The following SPMIP2 variants were observed in gnomAD, a reference collection of about 807,000 sequenced individuals.
The protein encoded by SPMIP2 is sperm microtubule inner protein 2.
At chr4:158,993,156 T>A in the SPMIP2 span, among the ~76,000 whole-genome samples, 1 of 151,170 alleles carries the variant, frequency 6.6e-6, no homozygotes, top group Non-Finnish European at 1.5e-5. Flanking sequence ...AGTGTAGGAG[T>A]CTGAGACCAG....
the SPMIP2 span, among the ~76,000 whole-genome samples, chr4:158,910,337 G>A: frequency 2.6e-5 from 4 of 151,444 alleles, no homozygotes; most frequent in Non-Finnish European, 5.9e-5. Flanking sequence ...GCAATGGCAC[G>A]TTCTTGGCTC....
chr4:158,969,561 T>A, the SPMIP2 span, among the ~76,000 whole-genome samples: 2 of 152,224 alleles, frequency 1.3e-5, no homozygotes, highest in African/African-American at 4.8e-5. Context: ...TGATTTTTAC[T>A]GACCTCCGCA....
chr4:158,986,523 A>AAGC, the SPMIP2 span, among the ~76,000 whole-genome samples: 2 of 152,088 alleles, frequency 1.3e-5, no homozygotes, highest in African/African-American at 4.8e-5. Context: ...TGAGAAAAGC[A>AAGC]ATGGAGAAAG....
the SPMIP2 span, among the ~76,000 whole-genome samples, chr4:158,911,299 G>T: frequency 6.6e-6 from 1 of 151,766 alleles, no homozygotes; most frequent in African/African-American, 2.4e-5. Context: ...AGTGAGCCAA[G>T]ATTGTGCCAC....
the SPMIP2 span, among the ~76,000 whole-genome samples, chr4:158,917,296 G>A: frequency 3.4e-5 from 5 of 147,684 alleles, no homozygotes; most frequent in Non-Finnish European, 7.5e-5. Context: ...GTGTGGTGGT[G>A]CACGCCTGTA....
the SPMIP2 span, among the ~76,000 whole-genome samples, chr4:158,980,335 G>A: frequency 6.6e-6 from 1 of 152,172 alleles, no homozygotes; most frequent in African/African-American, 2.4e-5. Flanking sequence ...GGATCTCCCA[G>A]CACAGCATTC....
chr4:158,952,689 T>C, the SPMIP2 span, among the ~76,000 whole-genome samples: 1 of 152,220 alleles, frequency 6.6e-6, no homozygotes, highest in Admixed American at 6.5e-5. Context: ...TGTGAGAAAG[T>C]TTGGAACTTC....
At chr4:159,035,907 C>G in the SPMIP2 span, among the ~76,000 whole-genome samples, 1 of 152,200 alleles carries the variant, frequency 6.6e-6, no homozygotes, top group South Asian at 2.1e-4. Flanking sequence ...TTTTAACTCA[C>G]CACTTCAATT....
chr4:158,973,289 A>G, the SPMIP2 span: 2 of 1,612,822 alleles, frequency 1.2e-6, no homozygotes, highest in African/African-American at 2.7e-5. Flanking sequence ...TTTTGGGTAA[A>G]TAATCCTTTA....
At chr4:158,952,559 C>T in the SPMIP2 span, among the ~76,000 whole-genome samples, 1 of 152,132 alleles carries the variant, frequency 6.6e-6, no homozygotes, top group Non-Finnish European at 1.5e-5. Flanking sequence ...CTAATACAGT[C>T]AATTGGTACC....
At chr4:158,913,421 A>C in the SPMIP2 span, among the ~76,000 whole-genome samples, 4 of 151,936 alleles carry the variant, frequency 2.6e-5, no homozygotes, top group African/African-American at 7.3e-5. Context: ...ATGGGGTCTC[A>C]CTATGTTGCC....
the SPMIP2 span, among the ~76,000 whole-genome samples, chr4:158,982,789 C>T: frequency 6.6e-6 from 1 of 152,128 alleles, no homozygotes; most frequent in Non-Finnish European, 1.5e-5. Context: ...CAAATTGACA[C>T]CCTAGAACAA....
the SPMIP2 span, among the ~76,000 whole-genome samples, chr4:159,058,413 T>C: frequency 6.6e-6 from 1 of 152,196 alleles, no homozygotes; most frequent in African/African-American, 2.4e-5. Context: ...CCTTGATTAC[T>C]GAGTGTTTAT....
At chr4:158,923,600 A>G in the SPMIP2 span, among the ~76,000 whole-genome samples, 4 of 152,200 alleles carry the variant, frequency 2.6e-5, no homozygotes, top group Non-Finnish European at 4.4e-5. Flanking sequence ...TATTAGTTGT[A>G]ATAGATTTTA....
At chr4:159,006,592 A>G in the SPMIP2 span, among the ~76,000 whole-genome samples, 1 of 152,208 alleles carries the variant, frequency 6.6e-6, no homozygotes, top group South Asian at 2.1e-4. Flanking sequence ...ATTTTTGGTC[A>G]TATTACGGCT....
chr4:159,051,222 T>C, the SPMIP2 span, among the ~76,000 whole-genome samples: 1 of 152,134 alleles, frequency 6.6e-6, no homozygotes, highest in Non-Finnish European at 1.5e-5. Flanking sequence ...AGAGTTTTGG[T>C]AAATGTGGTT....
the SPMIP2 span, among the ~76,000 whole-genome samples, chr4:159,075,004 T>C: frequency 6.6e-6 from 1 of 152,204 alleles, no homozygotes; most frequent in Non-Finnish European, 1.5e-5. Context: ...CCTCTCACAG[T>C]GACCACCTTA....
chr4:158,950,521 G>A, the SPMIP2 span, among the ~76,000 whole-genome samples: 1 of 152,188 alleles, frequency 6.6e-6, no homozygotes, highest in Admixed American at 6.5e-5. Context: ...GCAAGGGAAA[G>A]GGAAAGCAAA....
At chr4:158,964,284 C>T in the SPMIP2 span, among the ~76,000 whole-genome samples, 5 of 152,110 alleles carry the variant, frequency 3.3e-5, no homozygotes. Context: ...AACAGAAGTA[C>T]AAGTTCAGCT....
Sources: gnomAD v4.1 joint callset for allele counts (sites outside exome capture counted in the v4.1 genomes callset) on GRCh38, gnomAD v4.1.1 for gene constraint, MANE v1.5 for transcripts, NCBI Gene and HGNC (gene_info 2026-07-23, HGNC 2026-07-21) for gene names.